Variants in LIMCH1 observed in about 807,000 individuals in gnomAD.
The protein encoded by LIMCH1 is LIM and calponin homology domains 1.
In LIMCH1, 113 loss-of-function variants were observed where a neutral mutation model predicts 176.5. The observed-to-expected ratio is 0.64, with a 90% CI of 0.55 to 0.75. The LOEUF is 0.75. Ranked by LOEUF, LIMCH1 falls within the 30% of genes least tolerant of loss-of-function variation. The pLI is 0.00. For missense variants in LIMCH1, 1,674 were observed against 1,814.9 expected (o/e 0.92, Z 1.41); for synonymous variants, 619 against 645.9 (o/e 0.96, Z 0.63).
intron 3 of LIMCH1, among the ~76,000 whole-genome samples, chr4:41,525,248 G>GCA (rs368795010): frequency 2.0e-5 from 3 of 151,458 alleles, no homozygotes; most frequent in Non-Finnish European, 4.4e-5. Context: ...ACACGCGCGC[G>GCA]CACACACACA....
chr4:41,515,379 G>GT (rs149438726), intron 2 of LIMCH1, among the ~76,000 whole-genome samples: 1 of 152,318 alleles, frequency 6.6e-6, no homozygotes, highest in East Asian at 1.9e-4. Context: ...GCATTGTCTC[G>GT]TTCCCTCACT....
At chr4:41,419,650 CTCCT>C (rs1189243700) in intron 1 of LIMCH1, among the ~76,000 whole-genome samples, 2,400 of 56,194 alleles carry the variant, frequency 0.043, 96 homozygotes, top group Admixed American at 0.12. Flanking sequence ...TCCTTTCTTC[CTCCT>C]TCCTTCCTTC....
chr4:41,491,851 C>T (rs1460591369), intron 1 of LIMCH1, among the ~76,000 whole-genome samples: 4 of 146,726 alleles, frequency 2.7e-5, no homozygotes, highest in African/African-American at 7.6e-5. Context: ...TCGGGGCAGC[C>T]GGGCAGAGGC....
At chr4:41,610,713 C>A (rs775127969) in intron 4 of LIMCH1, among the ~76,000 whole-genome samples, 2 of 152,094 alleles carry the variant, frequency 1.3e-5, no homozygotes, top group Non-Finnish European at 2.9e-5. Context: ...AAATAACTTG[C>A]CTGAGGTCAC....
At chr4:41,412,558 G>A (rs754178061) in intron 1 of LIMCH1, among the ~76,000 whole-genome samples, 6 of 152,066 alleles carry the variant, frequency 3.9e-5, no homozygotes, top group Admixed American at 6.6e-5. Context: ...ATAGTAATTG[G>A]GTCAGTTTAT....
intron 1 of LIMCH1, among the ~76,000 whole-genome samples, chr4:41,394,763 A>G (rs1206209107): frequency 4.6e-5 from 7 of 152,206 alleles, no homozygotes; most frequent in Admixed American, 4.6e-4. Flanking sequence ...GATTATTCAT[A>G]GAGCATCTTT....
chr4:41,677,921 C>CT lies in LIMCH1; in HGVS notation c.3519+1466dup, dbSNP rs564708061. ...TTTCTGCTGCTTGTAGAAAGCAATG[C>CT]TTTTTTTGACGTTTGTTCATTTTTT... On this transcript the variant is annotated intron_variant, in intron 23 of 31. Coordinates refer to ENST00000503057, the MANE Select transcript of LIMCH1 (RefSeq NM_001330672.2). Among the ~76,000 whole-genome samples the CT allele has an allele frequency of 1.8e-4, 28 of 152,094 alleles. No homozygotes were observed. The South Asian group carries it at 4.4e-3, about 24-fold the overall frequency.
upstream of LIMCH1, among the ~76,000 whole-genome samples, chr4:41,535,609 C>T (rs1008032089): frequency 1.3e-5 from 2 of 152,188 alleles, no homozygotes; most frequent in African/African-American, 4.8e-5. Context: ...ACTACAGTCA[C>T]ATTCTGAGTT....
At chr4:41,361,401 C>G (rs2052020832) in intron 1 of LIMCH1, among the ~76,000 whole-genome samples, 1 of 152,234 alleles carries the variant, frequency 6.6e-6, no homozygotes, top group Non-Finnish European at 1.5e-5. Context: ...CCTTCCGGAG[C>G]AGAGTTGGCA....
intron 1 of LIMCH1, among the ~76,000 whole-genome samples, chr4:41,426,203 A>G (rs896251588): frequency 6.6e-6 from 1 of 150,742 alleles, no homozygotes; most frequent in Non-Finnish European, 1.5e-5. Flanking sequence ...TTGTATTTTT[A>G]GTAGAGACGG....
chr4:41,426,378 A>G (rs990375335), intron 1 of LIMCH1, among the ~76,000 whole-genome samples: 2 of 152,214 alleles, frequency 1.3e-5, no homozygotes, highest in African/African-American at 2.4e-5. Context: ...TGGTCTGTAT[A>G]TGAGAAGTGT....
chr4:41,520,535 C>T (rs1274139955), intron 2 of LIMCH1, among the ~76,000 whole-genome samples: 1 of 152,078 alleles, frequency 6.6e-6, no homozygotes, highest in Non-Finnish European at 1.5e-5. Context: ...CTCCACTGCC[C>T]CATCCACTCA....
chr4:41,505,950 A>G (rs1161511212), intron 2 of LIMCH1, among the ~76,000 whole-genome samples: 1 of 151,596 alleles, frequency 6.6e-6, no homozygotes, highest in Non-Finnish European at 1.5e-5. Flanking sequence ...ACACACACAC[A>G]CACACACACA....
chr4:41,499,405 G>A (rs2072809718), intron 2 of LIMCH1, among the ~76,000 whole-genome samples: 1 of 152,114 alleles, frequency 6.6e-6, no homozygotes, highest in African/African-American at 2.4e-5. Flanking sequence ...TGTAAATATA[G>A]GAACATTATC....
chr4:41,538,541 T>A (rs2078211419), intron 1 of LIMCH1, among the ~76,000 whole-genome samples, 191 bp downstream of exon 1: 1 of 146,308 alleles, frequency 6.8e-6, no homozygotes, highest in Non-Finnish European at 1.5e-5. Flanking sequence ...TAGCACCTGT[T>A]GCTTTTAATT....
At chr4:41,609,463 G>C (rs1456369829) in intron 4 of LIMCH1, among the ~76,000 whole-genome samples, 1 of 152,134 alleles carries the variant, frequency 6.6e-6, no homozygotes, top group Middle Eastern at 3.2e-3. Flanking sequence ...GGTGGGTGGA[G>C]AGTGGCTGAG....
At chr4:41,545,446 T>C (rs2079240730) in intron 1 of LIMCH1, among the ~76,000 whole-genome samples, 1 of 152,050 alleles carries the variant, frequency 6.6e-6, no homozygotes, top group African/African-American at 2.4e-5. Flanking sequence ...AGAGTTACTG[T>C]GGAAAGTGAA....
chr4:41,494,036 A>C (rs897342317), intron 1 of LIMCH1, among the ~76,000 whole-genome samples: 2 of 152,122 alleles, frequency 1.3e-5, no homozygotes, highest in Non-Finnish European at 2.9e-5. Context: ...GAAAGTGTGC[A>C]TGGGGTGGAT....
chr4:41,616,707 A>G (rs2092121008), intron 5 of LIMCH1, among the ~76,000 whole-genome samples: 2 of 152,104 alleles, frequency 1.3e-5, no homozygotes, highest in Admixed American at 1.3e-4. Flanking sequence ...ACATTTCCCA[A>G]GGGTATACTG....
Sources: allele counts gnomAD v4.1 joint callset (sites outside exome capture counted in the v4.1 genomes callset), GRCh38; gene constraint gnomAD v4.1.1; transcripts MANE v1.5; gene names NCBI Gene and HGNC (gene_info 2026-07-23, HGNC 2026-07-21).